Variants in TACR3 observed in about 807,000 individuals in gnomAD.
The protein encoded by TACR3 is tachykinin receptor 3.
A neutral mutation model predicts 35.0 loss-of-function variants in TACR3; 34 were observed. That is an observed-to-expected ratio of 0.97 (90% CI 0.74 to 1.30). The LOEUF (loss-of-function observed/expected upper bound fraction) is 1.30, where lower values mean the gene tolerates loss of function less well. Among genes scored for constraint, TACR3 ranks in the 50% most tolerant of loss-of-function variants. The pLI is 0.00. For missense variants in TACR3, 558 were observed against 591.7 expected (o/e 0.94, Z 0.59); for synonymous variants, 233 against 221.1 (o/e 1.05, Z -0.48).
chr4:103,659,064 G>A (rs779711626), intron 1 of TACR3, among the ~76,000 whole-genome samples: 18 of 152,156 alleles, frequency 1.2e-4, no homozygotes, highest in Non-Finnish European at 2.5e-4. Flanking sequence ...CTTTCTATGA[G>A]AATCTAATGC....
At chr4:103,634,258 T>TTTTA (rs1216798885) in intron 3 of TACR3, among the ~76,000 whole-genome samples, 1 of 152,106 alleles carries the variant, frequency 6.6e-6, no homozygotes, top group Non-Finnish European at 1.5e-5. Flanking sequence ...AAAATCTTTC[T>TTTTA]TTTACTGAAT....
intron 1 of TACR3, among the ~76,000 whole-genome samples, chr4:103,690,800 G>A (rs1008914727): frequency 6.6e-6 from 1 of 151,950 alleles, no homozygotes; most frequent in Non-Finnish European, 1.5e-5. Flanking sequence ...AATAACAACT[G>A]TGTGAGGTAA....
chr4:103,663,180 G>A lies in TACR3; in HGVS notation c.549-4777C>T, dbSNP rs550579399. Among the ~76,000 whole-genome samples the A allele has an allele frequency of 5.3e-5, 8 of 152,266 alleles. No homozygotes were observed. In the East Asian group the frequency reaches 1.6e-3, roughly 30 times the overall value. The stretch of plus-strand genomic sequence containing the variant: ...AGAAAAGAGCTTCGAGCTTCAGTCT[G>A]GAGACTGGAAGAGGAAAAGAATGGA... On this transcript the variant is annotated intron_variant, in intron 1 of 4. Transcript: ENST00000304883.
chr4:103,671,221 A>G (rs1186930221), intron 1 of TACR3, among the ~76,000 whole-genome samples: 1 of 151,934 alleles, frequency 6.6e-6, no homozygotes, highest in Non-Finnish European at 1.5e-5. Flanking sequence ...TATATTAATC[A>G]ATATTGGTCT....
chr4:103,713,897 AGTAGCCACCT>A (rs1723028661), intron 1 of TACR3, among the ~76,000 whole-genome samples: 1 of 152,176 alleles, frequency 6.6e-6, no homozygotes, highest in Non-Finnish European at 1.5e-5. Flanking sequence ...ACTTCTAGGC[AGTAGCCACCT>A]GTGAGGAATA....
intron 1 of TACR3, among the ~76,000 whole-genome samples, chr4:103,712,170 A>G (rs1053158167): frequency 6.6e-5 from 10 of 152,206 alleles, no homozygotes; most frequent in Non-Finnish European, 1.2e-4. Flanking sequence ...GGAACCAAAA[A>G]AGAGCCCGCG....
intron 1 of TACR3, among the ~76,000 whole-genome samples, chr4:103,709,321 T>C (rs1169864525): frequency 1.3e-5 from 2 of 152,184 alleles, no homozygotes; most frequent in Non-Finnish European, 2.9e-5. Flanking sequence ...GCAGAAACTC[T>C]ACAGGCCAGA....
intron 3 of TACR3, among the ~76,000 whole-genome samples, chr4:103,598,161 G>T (rs549078924): frequency 0.022 from 3,383 of 152,222 alleles, 125 homozygotes; most frequent in African/African-American, 0.078. Context: ...GGTGTGAGAT[G>T]GTATCTCATT....
intron 3 of TACR3, among the ~76,000 whole-genome samples, chr4:103,640,235 A>G (rs1019797648): frequency 7.9e-5 from 12 of 152,226 alleles, no homozygotes; most frequent in African/African-American, 2.9e-4. Flanking sequence ...TCCCCATTAT[A>G]AAATATTGCA....
intron 1 of TACR3, among the ~76,000 whole-genome samples, chr4:103,673,916 T>G (rs1482524632): frequency 6.6e-6 from 1 of 152,222 alleles, no homozygotes; most frequent in Non-Finnish European, 1.5e-5. Context: ...GTAAGCTAGA[T>G]ATACTTTTCC....
chr4:103,662,382 G>A (rs1476606555), intron 1 of TACR3, among the ~76,000 whole-genome samples: 3 of 151,934 alleles, frequency 2.0e-5, no homozygotes, highest in Non-Finnish European at 4.4e-5. Context: ...CACCACGCCC[G>A]GCTAATTTTT....
intron 3 of TACR3, among the ~76,000 whole-genome samples, chr4:103,627,947 C>G (rs1377334834): frequency 6.6e-6 from 1 of 152,208 alleles, no homozygotes; most frequent in Non-Finnish European, 1.5e-5. Flanking sequence ...CAAACTGTCT[C>G]TCAGACCACA....
At chr4:103,708,071 G>A (rs532682421) in intron 1 of TACR3, among the ~76,000 whole-genome samples, 1 of 152,198 alleles carries the variant, frequency 6.6e-6, no homozygotes, top group African/African-American at 2.4e-5. Flanking sequence ...CTCCACCTCT[G>A]GGGGCAGGGC....
chr4:103,645,180 T>C (rs1033964383), intron 3 of TACR3, among the ~76,000 whole-genome samples: 12 of 151,916 alleles, frequency 7.9e-5, no homozygotes, highest in Non-Finnish European at 1.6e-4. Flanking sequence ...TAGAAAAATG[T>C]GAAAATGTGT....
intron 3 of TACR3, among the ~76,000 whole-genome samples, chr4:103,649,717 T>G (rs1725539432): frequency 6.6e-6 from 1 of 152,148 alleles, no homozygotes; most frequent in Non-Finnish European, 1.5e-5. Flanking sequence ...CTTTGCTAAA[T>G]TGATTTGATA....
chr4:103,701,436 G>T (rs1258237179), intron 1 of TACR3, among the ~76,000 whole-genome samples: 3 of 151,850 alleles, frequency 2.0e-5, no homozygotes, highest in African/African-American at 4.8e-5. Flanking sequence ...CATGCTCATG[G>T]GTAGGAAGAA....
At chr4:103,621,278 A>T (rs1479743117) in intron 3 of TACR3, among the ~76,000 whole-genome samples, 1 of 152,224 alleles carries the variant, frequency 6.6e-6, no homozygotes, top group African/African-American at 2.4e-5. Context: ...TTCTAGTATT[A>T]CGAATAGTTT....
At chr4:103,590,142 G>T in intron 4 of TACR3, 148 bp from the exon 5 acceptor site, 2 of 885,680 alleles carry the variant, frequency 2.3e-6, no homozygotes, top group Non-Finnish European at 3.5e-6. Context: ...TTATGTCACA[G>T]TACTGTTGTT....
At chr4:103,707,558 A>G (rs1722822511) in intron 1 of TACR3, among the ~76,000 whole-genome samples, 1 of 152,216 alleles carries the variant, frequency 6.6e-6, no homozygotes, top group Admixed American at 6.5e-5. Flanking sequence ...GCTCCAGTCT[A>G]CAGCTCCCAG....
Sources: gnomAD v4.1 joint callset for allele counts (sites outside exome capture counted in the v4.1 genomes callset) on GRCh38, gnomAD v4.1.1 for gene constraint, MANE v1.5 for transcripts, NCBI Gene and HGNC (gene_info 2026-07-23, HGNC 2026-07-21) for gene names.